PTPRM: variants seen among roughly 807,000 people sequenced by gnomAD.
PTPRM encodes receptor-type tyrosine-protein phosphatase mu.
Under a neutral mutation model 186.7 loss-of-function variants are expected in PTPRM, and 47 were observed. The observed-to-expected ratio is 0.25, with a 90% confidence interval of 0.20 to 0.32. The LOEUF is 0.32. Ranked by LOEUF, PTPRM falls within the 10% of genes least tolerant of loss-of-function variation. PTPRM has a pLI of 1.00. For synonymous variants in PTPRM, 668 were observed against 674.9 expected, an observed-to-expected ratio of 0.99 and a Z score of 0.16; for missense variants, 1,494 against 1,865.0, an observed-to-expected ratio of 0.80 and a Z score of 3.66.
chr18:8,079,572 T>C (rs2090017030), intron 9 of PTPRM, among the ~76,000 whole-genome samples: 1 of 152,102 alleles, frequency 6.6e-6, no homozygotes, highest in Non-Finnish European at 1.5e-5. Context: ...GTTTAATAAA[T>C]ATTATCAAAC....
At chr18:8,066,295 A>G (rs1306253889) in intron 7 of PTPRM, among the ~76,000 whole-genome samples, 1 of 152,222 alleles carries the variant, frequency 6.6e-6, no homozygotes, top group African/African-American at 2.4e-5. Flanking sequence ...GGCTGCTGTC[A>G]TAGGTACATG....
chr18:8,166,959 A>G (rs138042217), intron 14 of PTPRM, among the ~76,000 whole-genome samples: 14 of 152,302 alleles, frequency 9.2e-5, no homozygotes, highest in African/African-American at 1.7e-4. Flanking sequence ...CTGTGACTTG[A>G]ATTATTATGA....
intron 7 of PTPRM, among the ~76,000 whole-genome samples, chr18:7,964,256 C>T (rs1021406418): frequency 6.6e-6 from 1 of 152,160 alleles, no homozygotes; most frequent in African/African-American, 2.4e-5. Flanking sequence ...ATCATAGAGG[C>T]TTATACTTTT....
At chr18:7,848,333 T>C (rs1426756349) in intron 2 of PTPRM, among the ~76,000 whole-genome samples, 2 of 152,224 alleles carry the variant, frequency 1.3e-5, no homozygotes, top group African/African-American at 4.8e-5. Flanking sequence ...GTATGAAAAT[T>C]GCTTGCTCAG....
chr18:7,653,768 C>CA (rs1482631194), intron 1 of PTPRM, among the ~76,000 whole-genome samples: 1 of 152,134 alleles, frequency 6.6e-6, no homozygotes, highest in Admixed American at 6.5e-5. Context: ...AATAGTGCTG[C>CA]AGTGAACATA....
At chr18:8,274,277 A>G (rs2094807743) in intron 19 of PTPRM, among the ~76,000 whole-genome samples, 1 of 152,232 alleles carries the variant, frequency 6.6e-6, no homozygotes, top group East Asian at 1.9e-4. Flanking sequence ...GATACGCTGC[A>G]GAACGTGGAA....
chr18:8,025,396 C>CT, intron 7 of PTPRM, among the ~76,000 whole-genome samples: 1 of 152,152 alleles, frequency 6.6e-6, no homozygotes, highest in East Asian at 1.9e-4. Context: ...AAGGTTATGA[C>CT]TGGGGGGATG....
chr18:7,836,368 A>G (rs1336350637), intron 2 of PTPRM, among the ~76,000 whole-genome samples: 1 of 152,178 alleles, frequency 6.6e-6, no homozygotes, highest in African/African-American at 2.4e-5. Flanking sequence ...AGCAAAAAGA[A>G]AACGAATAAT....
chr18:7,965,844 T>C (rs1392986085), intron 7 of PTPRM, among the ~76,000 whole-genome samples: 2 of 152,228 alleles, frequency 1.3e-5, no homozygotes, highest in African/African-American at 2.4e-5. Context: ...CTCAGTTTAT[T>C]CGTCCTCATT....
chr18:8,258,036 T>C (rs548436013), intron 19 of PTPRM, among the ~76,000 whole-genome samples: 4 of 152,168 alleles, frequency 2.6e-5, no homozygotes, highest in Non-Finnish European at 5.9e-5. Flanking sequence ...ACCAGGGAGA[T>C]GCAATAATTT....
At position 7,906,502 on chromosome 18, in the gene PTPRM, C is replaced by T. The variant is rs939690422; in HGVS notation, c.469-3C>T. The T allele has an allele frequency of 4.4e-6, 7 of 1,606,032 alleles. 1 individual carries two copies. The highest frequency in any genetic ancestry group is 6.0e-6 in the Non-Finnish European group (7 of 1,172,878). ...ATAATGTAAATCTTTCTTAATTTTC[C>T]AGGTGATTTTTGAAGTGATAACTTC... On this transcript the variant is annotated splice_region_variant and splice_polypyrimidine_tract_variant and intron_variant, in intron 3 of 32. Coordinates refer to ENST00000580170, the MANE Select transcript of PTPRM (RefSeq NM_001105244.2).
chr18:8,174,104 T>C (rs1206785972), intron 14 of PTPRM, among the ~76,000 whole-genome samples: 6 of 151,696 alleles, frequency 4.0e-5, no homozygotes, highest in Admixed American at 3.9e-4. Context: ...TTTACAATAG[T>C]GGTGTTATCC....
intron 1 of PTPRM, among the ~76,000 whole-genome samples, chr18:7,586,697 A>T (rs1041692047): frequency 4.6e-5 from 7 of 152,198 alleles, no homozygotes; most frequent in African/African-American, 1.7e-4. Context: ...TAAAAACAGA[A>T]TTTTTAAATA....
At chr18:7,713,256 A>T (rs2040250369) in intron 1 of PTPRM, among the ~76,000 whole-genome samples, 1 of 152,198 alleles carries the variant, frequency 6.6e-6, no homozygotes, top group South Asian at 2.1e-4. Context: ...AGAATTTCAT[A>T]TCTAGCCAAA....
chr18:8,271,289 C>T (rs1243486003), intron 19 of PTPRM, among the ~76,000 whole-genome samples: 3 of 151,484 alleles, frequency 2.0e-5, no homozygotes, highest in African/African-American at 7.3e-5. Context: ...GGTATGTTAA[C>T]ATAGAAAGTT....
intron 14 of PTPRM, among the ~76,000 whole-genome samples, chr18:8,226,415 A>C (rs1338614925): frequency 6.6e-6 from 1 of 152,214 alleles, no homozygotes; most frequent in African/African-American, 2.4e-5. Flanking sequence ...CTTGAGATCT[A>C]TATCTGTGAA....
chr18:8,185,098 T>C (rs1266291752), intron 14 of PTPRM, among the ~76,000 whole-genome samples: 1 of 152,202 alleles, frequency 6.6e-6, no homozygotes, highest in Non-Finnish European at 1.5e-5. Context: ...TAGACAATGG[T>C]ATATTTTACA....
intron 19 of PTPRM, among the ~76,000 whole-genome samples, chr18:8,289,243 A>G (rs2094994182): frequency 1.3e-5 from 2 of 151,884 alleles, no homozygotes; most frequent in Non-Finnish European, 2.9e-5. Flanking sequence ...CCTCATAAGC[A>G]TGTATGGATC....
At chr18:7,991,300 A>G (rs1256550143) in intron 7 of PTPRM, among the ~76,000 whole-genome samples, 1 of 152,144 alleles carries the variant, frequency 6.6e-6, no homozygotes, top group Non-Finnish European at 1.5e-5. Context: ...CATGCCTTTA[A>G]CCACCTGAGG....
Sources: allele counts gnomAD v4.1 joint callset (sites outside exome capture counted in the v4.1 genomes callset), GRCh38; gene constraint gnomAD v4.1.1; transcripts MANE v1.5; gene names NCBI Gene and HGNC (gene_info 2026-07-23, HGNC 2026-07-21).